The following BMPR1B variants were observed in gnomAD, a reference collection of about 807,000 sequenced individuals.
BMPR1B encodes the protein bone morphogenetic protein receptor type 1B.
A neutral mutation model predicts 59.1 loss-of-function variants in BMPR1B; 12 were observed. That is an observed-to-expected ratio of 0.20 (90% CI 0.13 to 0.33). The LOEUF is 0.33. BMPR1B is among the 10% of genes least tolerant of loss of function. The probability of loss-of-function intolerance (pLI) is 1.00; values close to 1 mark genes in which losing one functional copy is unlikely to be tolerated. For synonymous variants in BMPR1B, 237 were observed against 207.3 expected (o/e 1.14, Z -1.23); for missense variants, 550 against 610.9 (o/e 0.90, Z 1.05).
intron 1 of BMPR1B, among the ~76,000 whole-genome samples, chr4:94,874,644 A>T (rs570392194): frequency 2.0e-5 from 3 of 152,278 alleles, no homozygotes; most frequent in South Asian, 4.1e-4. Flanking sequence ...AGTAAACTTG[A>T]TTAGAAAAAT....
intron 3 of BMPR1B, among the ~76,000 whole-genome samples, chr4:95,006,158 C>G (rs1722812817): frequency 2.6e-5 from 4 of 151,988 alleles, no homozygotes; most frequent in Admixed American, 2.6e-4. Context: ...GTAATCCCAG[C>G]TACTGGGGAG....
chr4:95,085,880 C>T (rs1450227546), intron 3 of BMPR1B, among the ~76,000 whole-genome samples: 2 of 151,974 alleles, frequency 1.3e-5, no homozygotes, highest in African/African-American at 4.8e-5. Flanking sequence ...TAGTAAGTTA[C>T]TTGTGAGGTT....
intron 1 of BMPR1B, among the ~76,000 whole-genome samples, chr4:94,785,663 A>AAGGGAGATCTCATTCCACATTCCGCG (rs1329554303): frequency 6.6e-6 from 1 of 152,192 alleles, no homozygotes; most frequent in East Asian, 1.9e-4. Flanking sequence ...TAATTTCTTT[A>AAGGGAGATCTCATTCCACATTCCGCG]AGGGAGATCT....
At chr4:95,106,100 C>A (rs1019993807) in intron 4 of BMPR1B, among the ~76,000 whole-genome samples, 1 of 151,880 alleles carries the variant, frequency 6.6e-6, no homozygotes, top group Non-Finnish European at 1.5e-5. Context: ...AGAAGCTTGG[C>A]GTGTTCAAAA....
intron 4 of BMPR1B, among the ~76,000 whole-genome samples, chr4:95,108,621 G>A (rs529471781): frequency 6.6e-6 from 1 of 152,154 alleles, no homozygotes; most frequent in East Asian, 1.9e-4. Context: ...TTCTTGGCTT[G>A]ATCTCTGTCA....
At chr4:94,954,910 A>G (rs899021784) in intron 2 of BMPR1B, among the ~76,000 whole-genome samples, 6 of 152,104 alleles carry the variant, frequency 3.9e-5, no homozygotes, top group African/African-American at 1.4e-4. Flanking sequence ...AATTCTTACT[A>G]CTGTTATTAT....
In BMPR1B at chr4:94,855,041, G is replaced by T. The variant is rs146277361; in HGVS notation, c.-182-20790G>T. On this transcript the variant is annotated intron_variant, in intron 1 of 12. Coordinates refer to ENST00000515059, the MANE Select transcript of BMPR1B (RefSeq NM_001203.3). Reference sequence around the variant, plus strand: ...GATGGCACCAACCATAATAATCTAGGTGCAAAAAAATTGTAAACAAATTAT... The same window carrying T: ...GATGGCACCAACCATAATAATCTAGTTGCAAAAAAATTGTAAACAAATTAT... Among the ~76,000 whole-genome samples, 1,196 of 151,920 alleles carry T rather than the reference G, an allele frequency of 7.9e-3. 13 individuals are homozygous for T. Among genetic ancestry groups the T allele is most frequent in the African/African-American group, 0.027 (1,133 of 41,416 alleles).
At position 95,105,128 on chromosome 4, in the gene BMPR1B, AT is replaced by A. The variant is rs1731109097; in HGVS notation, c.143+564del. ...CATGTTCTTATAGATACTTTATAAC[AT>A]TTGAAACTGAACTATTTTGCCTTTT... is the stretch of plus-strand genomic sequence containing the variant. On this transcript the variant is annotated intron_variant, in intron 4 of 12. Coordinates refer to ENST00000515059, the MANE Select transcript of BMPR1B (RefSeq NM_001203.3). 2.0e-5 allele frequency among the ~76,000 whole-genome samples: 3 copies of A among 152,110 alleles called. No homozygotes were observed. The South Asian group carries it at 6.2e-4, about 31-fold the overall frequency.
At position 95,106,352 on chromosome 4, in the gene BMPR1B, CAG is replaced by C. The variant is rs1731199306; in HGVS notation, c.143+1787_143+1788del. 2.0e-5 allele frequency among the ~76,000 whole-genome samples: 3 copies of C among 151,862 alleles called. No homozygotes were observed. In the South Asian group the frequency reaches 6.2e-4, roughly 32 times the overall value. ...GAATATTGGATGTATTAGAAGGAGACAGAAGTGAATTCAAGAACAGTTAGGTC... is the reference window on the plus strand; with the variant it reads ...GAATATTGGATGTATTAGAAGGAGACAAGTGAATTCAAGAACAGTTAGGTC... On this transcript the variant is annotated intron_variant, in intron 4 of 12. Transcript: ENST00000515059.
chr4:94,881,925 G>A (rs921568095), intron 2 of BMPR1B, among the ~76,000 whole-genome samples: 5 of 152,120 alleles, frequency 3.3e-5, no homozygotes, highest in Admixed American at 6.5e-5. Flanking sequence ...GAAAGACTTA[G>A]GGGTAAGACA....
intron 1 of BMPR1B, among the ~76,000 whole-genome samples, chr4:94,837,551 T>A (rs1437404698): frequency 1.4e-5 from 2 of 144,984 alleles, no homozygotes; most frequent in Non-Finnish European, 3.1e-5. Flanking sequence ...ATGATTTGGC[T>A]CTCTGTTTGT....
chr4:94,802,776 A>G (rs1266505746), intron 1 of BMPR1B, among the ~76,000 whole-genome samples: 3 of 152,174 alleles, frequency 2.0e-5, no homozygotes, highest in Non-Finnish European at 2.9e-5. Context: ...AAAAAAAGTC[A>G]CTGTTAAATC....
chr4:94,983,662 C>T (rs1721233474), intron 2 of BMPR1B, among the ~76,000 whole-genome samples: 1 of 152,196 alleles, frequency 6.6e-6, no homozygotes, highest in Admixed American at 6.5e-5. Context: ...TTGGTCTTAC[C>T]ACAGTGTCCC....
At chr4:95,127,621 G>A (rs903731968) in intron 8 of BMPR1B, among the ~76,000 whole-genome samples, 2 of 151,754 alleles carry the variant, frequency 1.3e-5, no homozygotes, top group African/African-American at 4.8e-5. Context: ...TATGAATTTG[G>A]CTCCCAACTG....
chr4:94,797,821 T>C (rs1723252860), intron 1 of BMPR1B, among the ~76,000 whole-genome samples: 1 of 152,192 alleles, frequency 6.6e-6, no homozygotes, highest in African/African-American at 2.4e-5. Flanking sequence ...TGGGAAACAC[T>C]CTCATGGGCT....
At chr4:95,035,461 T>C (rs1172288900) in intron 3 of BMPR1B, among the ~76,000 whole-genome samples, 2 of 152,152 alleles carry the variant, frequency 1.3e-5, no homozygotes, top group African/African-American at 2.4e-5. Flanking sequence ...TTGTGTACGA[T>C]GAGAGGTGAG....
chr4:94,878,705 C>T (rs1367831061), intron 2 of BMPR1B, among the ~76,000 whole-genome samples: 1 of 151,268 alleles, frequency 6.6e-6, no homozygotes, highest in Non-Finnish European at 1.5e-5. Flanking sequence ...AACCAGTGGC[C>T]TCCCATACAT....
At chr4:95,137,378 A>G (rs1733878074) in intron 10 of BMPR1B, among the ~76,000 whole-genome samples, 1 of 152,220 alleles carries the variant, frequency 6.6e-6, no homozygotes, top group Admixed American at 6.5e-5. Flanking sequence ...AGAAGAATGT[A>G]TATTCTGTTG....
At chr4:94,776,099 A>G (rs889426735) in intron 1 of BMPR1B, among the ~76,000 whole-genome samples, 3 of 122,494 alleles carry the variant, frequency 2.4e-5, no homozygotes, top group African/African-American at 6.2e-5. Context: ...CAAAAAAAGA[A>G]AAAAAAAAAA....
Sources: gnomAD v4.1 joint callset for allele counts (sites outside exome capture counted in the v4.1 genomes callset) on GRCh38, gnomAD v4.1.1 for gene constraint, MANE v1.5 for transcripts, NCBI Gene and HGNC (gene_info 2026-07-23, HGNC 2026-07-21) for gene names.